Variants in PPTC7 observed in about 807,000 individuals in gnomAD.
PPTC7 encodes protein phosphatase targeting COQ7.
A neutral mutation model predicts 30.8 loss-of-function variants in PPTC7; 6 were observed. That is an observed-to-expected ratio of 0.19 (90% confidence interval 0.11 to 0.38). The LOEUF is 0.38. PPTC7 is among the 10% of genes least tolerant of loss of function. The pLI is 1.00. For missense variants in PPTC7, 218 were observed against 404.8 expected, an observed-to-expected ratio of 0.54 and a Z score of 3.96; for synonymous variants, 163 against 168.1, an observed-to-expected ratio of 0.97 and a Z score of 0.23.
intron 1 of PPTC7, among the ~76,000 whole-genome samples, chr12:110,569,453 C>T (rs2064515003): frequency 6.6e-6 from 1 of 152,180 alleles, no homozygotes; most frequent in South Asian, 2.1e-4. Context: ...TTGCCACTAA[C>T]TGGACCTAAG....
chr12:110,559,405 G>GA (rs933377666), intron 1 of PPTC7, among the ~76,000 whole-genome samples: 6 of 148,506 alleles, frequency 4.0e-5, no homozygotes, highest in South Asian at 2.2e-4. Context: ...TTTATAAGAA[G>GA]AAAAAAATTT....
intron 1 of PPTC7, among the ~76,000 whole-genome samples, chr12:110,571,457 G>C (rs1167479734): frequency 6.6e-6 from 1 of 151,954 alleles, no homozygotes; most frequent in Non-Finnish European, 1.5e-5. Context: ...TAGCATTTCA[G>C]TTTCTGATGC....
intron 2 of PPTC7, chr12:110,546,590 A>C (rs1480099461): frequency 6.1e-6 from 1 of 163,136 alleles, no homozygotes; most frequent in African/African-American, 2.4e-5. Context: ...AAGAACTTTT[A>C]TTGGAGACTA....
At chr12:110,566,526 GAGGAA>G (rs2064484558) in intron 1 of PPTC7, among the ~76,000 whole-genome samples, 2 of 152,182 alleles carry the variant, frequency 1.3e-5, no homozygotes, top group African/African-American at 4.8e-5. Flanking sequence ...GGGCCGGTGT[GAGGAA>G]CGAGGATAAC....
chr12:110,544,387 T>C (rs983017463), intron 3 of PPTC7, among the ~76,000 whole-genome samples: 3 of 152,172 alleles, frequency 2.0e-5, no homozygotes, highest in Non-Finnish European at 4.4e-5. Flanking sequence ...TTACAAAAGG[T>C]TCATTGTCCA....
intron 3 of PPTC7, among the ~76,000 whole-genome samples, chr12:110,541,479 G>A (rs186615257): frequency 2.0e-4 from 30 of 151,270 alleles, no homozygotes; most frequent in African/African-American, 6.3e-4. Context: ...AGGCCAAGGC[G>A]GGCGGATCAC....
intron 1 of PPTC7, among the ~76,000 whole-genome samples, chr12:110,561,250 A>T (rs866393052): frequency 1.3e-5 from 2 of 152,236 alleles, no homozygotes; most frequent in Non-Finnish European, 2.9e-5. Flanking sequence ...AAATGAGATC[A>T]GAGTAGAAAC....
At chr12:110,582,649 CTCGGAGCGCT>C (rs1184273881) in intron 1 of PPTC7, among the ~76,000 whole-genome samples, 150 bp downstream of exon 1, 1 of 152,196 alleles carries the variant, frequency 6.6e-6, no homozygotes, top group Non-Finnish European at 1.5e-5. Flanking sequence ...GAAAACGCGC[CTCGGAGCGCT>C]TGGCACGGCG....
At chr12:110,537,415 AC>A (rs1287946284) in intron 5 of PPTC7, among the ~76,000 whole-genome samples, 2 of 152,144 alleles carry the variant, frequency 1.3e-5, no homozygotes, top group Non-Finnish European at 2.9e-5. Context: ...ATGCTTCTAT[AC>A]CCACAATCCT....
intron 1 of PPTC7, among the ~76,000 whole-genome samples, chr12:110,566,250 G>C (rs1013525773): frequency 1.3e-5 from 2 of 152,156 alleles, no homozygotes; most frequent in African/African-American, 4.8e-5. Context: ...TAACAGTTAA[G>C]CAAAACCCCT....
chr12:110,582,752 G>A, intron 1 of PPTC7, 57 bp downstream of exon 1: 1 of 1,404,162 alleles, frequency 7.1e-7, no homozygotes, highest in Middle Eastern at 2.4e-4. Context: ...CCCCGCGCGG[G>A]GAGTCCCCGG....
At chr12:110,582,759 C>A (rs1298019872) in intron 1 of PPTC7, 50 bp downstream of exon 1, 4 of 1,460,652 alleles carry the variant, frequency 2.7e-6, no homozygotes, top group Non-Finnish European at 3.7e-6. Context: ...CGGGGAGTCC[C>A]CGGGAGGCGG....
chr12:110,582,424 G>A (rs1412898807), intron 1 of PPTC7, among the ~76,000 whole-genome samples: 2 of 152,192 alleles, frequency 1.3e-5, no homozygotes, highest in Non-Finnish European at 2.9e-5. Flanking sequence ...GATCCCCGGG[G>A]CATGCGGAGA....
intron 1 of PPTC7, among the ~76,000 whole-genome samples, chr12:110,557,640 A>G (rs1273227020): frequency 6.6e-6 from 1 of 152,240 alleles, no homozygotes; most frequent in African/African-American, 2.4e-5. Flanking sequence ...CAGAATAATT[A>G]TAACAATATA....
intron 3 of PPTC7, among the ~76,000 whole-genome samples, chr12:110,542,731 A>C (rs1305423378): frequency 6.6e-6 from 1 of 151,666 alleles, no homozygotes; most frequent in Non-Finnish European, 1.5e-5. Context: ...GCTCATAAAG[A>C]AACCTTTGAG....
chr12:110,560,341 C>A lies in PPTC7; in HGVS notation c.224-8373G>T, dbSNP rs76042851. The stretch of plus-strand genomic sequence containing the variant: ...GCTTGAGTCCAGGAGGTCAATGCTG[C>A]AATGAGCTGTGATCACACTACTTGC... On this transcript the variant is annotated intron_variant, in intron 1 of 5. Coordinates refer to ENST00000354300, the MANE Select transcript of PPTC7 (RefSeq NM_139283.2). Among the ~76,000 whole-genome samples the A allele has an allele frequency of 6.9e-3, 1,043 of 151,544 alleles. 1 individual carries two copies. The highest frequency in any genetic ancestry group is 9.4e-3 in the Non-Finnish European group (637 of 67,924).
intron 1 of PPTC7, among the ~76,000 whole-genome samples, chr12:110,575,635 A>T (rs2064583066): frequency 6.8e-6 from 1 of 146,104 alleles, no homozygotes; most frequent in Non-Finnish European, 1.5e-5. Flanking sequence ...AAAAAAAAAA[A>T]GCTCCACAAC....
In PPTC7 at chr12:110,533,489, T is replaced by C. The variant is rs934274287; in HGVS notation, c.*3548A>G. 1.3e-5 allele frequency: 2 copies of C among 152,234 alleles called. No homozygotes were observed. Among genetic ancestry groups the C allele is most frequent in the African/African-American group, 4.8e-5 (2 of 41,462 alleles). The allele number at this position is 152,234 out of a possible 1,614,324, so 9.4% of individuals were successfully genotyped here. On this transcript the variant is annotated 3_prime_UTR_variant, in exon 6 of 6. Transcript: ENST00000354300. The stretch of plus-strand genomic sequence containing the variant: ...CCTGCTAACAGTTAAAATTCTGACA[T>C]GGACACGTTTTAGTTGAGAAGTTCA...
At chr12:110,570,045 A>T (rs1198077801) in intron 1 of PPTC7, among the ~76,000 whole-genome samples, 1 of 152,230 alleles carries the variant, frequency 6.6e-6, no homozygotes, top group African/African-American at 2.4e-5. Flanking sequence ...ATTTGTGGGG[A>T]AAAGCAAGAG....
Sources: allele counts gnomAD v4.1 joint callset (sites outside exome capture counted in the v4.1 genomes callset), GRCh38; gene constraint gnomAD v4.1.1; transcripts MANE v1.5; gene names NCBI Gene and HGNC (gene_info 2026-07-23, HGNC 2026-07-21).